PRKCG: variants seen among roughly 807,000 people sequenced by gnomAD.
PRKCG encodes protein kinase C gamma type.
PRKCG carries 28 observed loss-of-function variants against 82.0 expected under a neutral mutation model. The observed-to-expected ratio is 0.34, with a 90% confidence interval of 0.25 to 0.47. The LOEUF (loss-of-function observed/expected upper bound fraction) is 0.47, where lower values mean the gene tolerates loss of function less well. Among genes scored for constraint, PRKCG ranks in the 20% least tolerant of loss-of-function variants. The pLI, the probability that PRKCG is intolerant of heterozygous loss-of-function variation, is 1.00. For synonymous variants in PRKCG, 383 were observed against 376.6 expected (o/e 1.02, Z -0.20); for missense variants, 640 against 952.7 (o/e 0.67, Z 4.32).
At chr19:53,906,493 T>C (rs1468453394) in intron 17 of PRKCG, 36 bp downstream of exon 17, 1 of 1,568,954 alleles carries the variant, frequency 6.4e-7, no homozygotes, top group African/African-American at 1.4e-5. Context: ...ACCTGGTCCC[T>C]GAAGGGGTGG....
At chr19:53,895,886 C>T (rs1434920495) in intron 9 of PRKCG, among the ~76,000 whole-genome samples, 2 of 151,992 alleles carry the variant, frequency 1.3e-5, no homozygotes, top group South Asian at 2.1e-4. Context: ...GGTGAATCCC[C>T]GTCTCTACTA....
intron 8 of PRKCG, 73 bp from the exon 9 acceptor site, chr19:53,893,289 G>A: frequency 6.6e-7 from 1 of 1,522,654 alleles, no homozygotes; most frequent in Non-Finnish European, 9.1e-7. Flanking sequence ...GGGTACTAGG[G>A]GCCACCAGCC....
In PRKCG at chr19:53,882,570, A is replaced by G. The variant is rs386134157; in HGVS notation, c.76A>G (p.Arg26Gly). ...CCTGTTTTGCAGAAAGGGGGCCCTG[A>G]GGCAGAAGGTGGTCCACGAAGTCAA... ...RPLFCRKGAL[R>G]QKVVHEVKSH... Residue 26 changes from arginine to glycine, a missense_variant, in exon 1 of 18, where the codon AGG (arginine) becomes GGG (glycine). Arg to Gly is a moderately radical substitution (Grantham distance 125, BLOSUM62 -2). Around this residue, in one of 7 missense-constraint regions of PRKCG, gnomAD observed 50 missense variants for 146.5 expected, o/e 0.34. Coordinates refer to ENST00000263431, the MANE Select transcript of PRKCG (RefSeq NM_002739.5). This position sits in a 1 kb window ranked among gnomAD's most constrained non-coding sequence, Gnocchi z 6.1. The G allele has an allele frequency of 6.2e-7, 1 of 1,613,960 alleles. No homozygotes were observed. Among genetic ancestry groups the G allele is most frequent in the Non-Finnish European group, 8.5e-7 (1 of 1,179,908 alleles).
chr19:53,898,752 C>A, intron 11 of PRKCG, 124 bp downstream of exon 11: 1 of 322,914 alleles, frequency 3.1e-6, no homozygotes, highest in Non-Finnish European at 4.9e-6. Flanking sequence ...TGGGCGAGGC[C>A]AGGCGGATTG....
At chr19:53,906,124 T>TTCTC (rs59343768) in intron 16 of PRKCG, among the ~76,000 whole-genome samples, 193 bp from the exon 17 acceptor site, 8,552 of 68,030 alleles carry the variant, frequency 0.13, 1,734 homozygotes, top group African/African-American at 0.51. Flanking sequence ...TCTTCTTTTC[T>TTCTC]TCTCTCTCTC....
intron 10 of PRKCG, 140 bp downstream of exon 10, chr19:53,898,251 C>T (rs1346993583): frequency 1.4e-6 from 2 of 1,417,184 alleles, no homozygotes; most frequent in Admixed American, 3.9e-5. Flanking sequence ...GTTCAGGTTC[C>T]TGGAGAGGAG....
chr19:53,892,080 G>C lies in PRKCG; in HGVS notation c.686+250G>C, dbSNP rs552086837. Reference sequence around the variant, plus strand: ...CCCAACTTTAGAGTTAGACAGAGATGAGAGAGAGAAGAGAGAGTCTCAGAA... The same window carrying C: ...CCCAACTTTAGAGTTAGACAGAGATCAGAGAGAGAAGAGAGAGTCTCAGAA... On this transcript the variant is annotated intron_variant, in intron 6 of 17. Coordinates refer to ENST00000263431, the MANE Select transcript of PRKCG (RefSeq NM_002739.5). This position sits in a 1 kb window ranked among gnomAD's most constrained non-coding sequence, Gnocchi z 5.9. Among the ~76,000 whole-genome samples, 2 of 152,102 alleles carry C rather than the reference G, an allele frequency of 1.3e-5. No homozygotes were observed. The highest frequency in any genetic ancestry group is 4.8e-5 in the African/African-American group (2 of 41,428).
At position 53,893,542 on chromosome 19, in the gene PRKCG, T is replaced by C. The variant is rs1315983787; in HGVS notation, c.939+151T>C. 8.2e-6 allele frequency: 7 copies of C among 856,820 alleles called. No individual in the cohort carries two copies. In the East Asian group the frequency reaches 1.3e-4, roughly 16 times the overall value. The allele number at this position is 856,820 out of a possible 1,614,324, so 53.1% of individuals were successfully genotyped here. The stretch of plus-strand genomic sequence containing the variant: ...CTTGTGCTTGCTGAATAATCCAGGA[T>C]CCAGAGATGAATCTGACCCTCAAGC... On this transcript the variant is annotated intron_variant, in intron 9 of 17. Coordinates refer to ENST00000263431, the MANE Select transcript of PRKCG (RefSeq NM_002739.5).
intron 9 of PRKCG, among the ~76,000 whole-genome samples, chr19:53,894,173 C>A (rs1006583974): frequency 2.0e-5 from 3 of 152,202 alleles, no homozygotes; most frequent in Non-Finnish European, 4.4e-5. Context: ...TCACGCCATT[C>A]TCCTGCATCA....
chr19:53,892,093 G>C lies in PRKCG; in HGVS notation c.686+263G>C, dbSNP rs2068680901. 1.3e-5 allele frequency among the ~76,000 whole-genome samples: 2 copies of C among 152,122 alleles called. No homozygotes were observed. The highest frequency in any genetic ancestry group is 1.3e-4 in the Admixed American group (2 of 15,266). ...TTAGACAGAGATGAGAGAGAGAAGA[G>C]AGAGTCTCAGAAGAGGCAGAAACCC... On this transcript the variant is annotated intron_variant, in intron 6 of 17. Transcript: ENST00000263431. This position sits in a 1 kb window ranked among gnomAD's most constrained non-coding sequence, Gnocchi z 5.9.
At chr19:53,906,115 CT>C (rs2068807733) in intron 16 of PRKCG, among the ~76,000 whole-genome samples, 1 of 86,284 alleles carries the variant, frequency 1.2e-5, no homozygotes, top group African/African-American at 1.1e-4. Context: ...TCTTCTTCTT[CT>C]TCTTTTCTTC....
At chr19:53,894,158 T>C (rs987099463) in intron 9 of PRKCG, among the ~76,000 whole-genome samples, 67 of 151,860 alleles carry the variant, frequency 4.4e-4, no homozygotes, top group Admixed American at 8.5e-4. Context: ...CTCCGCCTCC[T>C]GGGTTCACGC....
rs1432406360 is a variant in PRKCG at position 53,882,461 on chromosome 19, G to T, written c.-34G>T. 1.3e-6 allele frequency: 2 copies of T among 1,598,312 alleles called. No homozygotes were observed. The highest frequency in any genetic ancestry group is 3.5e-5 in the Admixed American group (2 of 56,506). On this transcript the variant is annotated 5_prime_UTR_variant, in exon 1 of 18. Transcript: ENST00000263431. The surrounding 1 kb of genome is among the most constrained non-coding windows in gnomAD (Gnocchi z 6.1). ...CTTCCACCTGTTTCCCCCAAGAAAG[G>T]CAGGATCCTGGTCCCTGCTACGTTT...
intron 3 of PRKCG, among the ~76,000 whole-genome samples, chr19:53,886,501 T>G: frequency 6.6e-6 from 1 of 152,090 alleles, no homozygotes; most frequent in East Asian, 1.9e-4. Context: ...TTCTCCAGGC[T>G]CAAGTGCTCC....
rs1231756180 is a variant in PRKCG, at chr19:53,906,744, C to G, written c.1943C>G (p.Thr648Arg). The G allele has an allele frequency of 1.9e-6, 3 of 1,613,228 alleles. No individual in the cohort carries two copies. The highest frequency in any genetic ancestry group is 8.5e-7 in the Non-Finnish European group (1 of 1,180,018). The change falls in exon 18 of 18, where the codon ACG (threonine) becomes AGG (arginine). Residue 648 changes from threonine to arginine, a missense_variant. Coordinates refer to ENST00000263431, the MANE Select transcript of PRKCG (RefSeq NM_002739.5). ...RSGENFDKFF[T>R]RAAPALTPPD... Reference sequence around the variant, plus strand: ...GGCGAGAACTTTGACAAGTTCTTCACGCGGGCGGCGCCAGCGCTGACCCCT... The same window carrying G: ...GGCGAGAACTTTGACAAGTTCTTCAGGCGGGCGGCGCCAGCGCTGACCCCT...
rs905885526 is a variant in PRKCG at position 53,900,197 on chromosome 19, T to C, written c.1282-36T>C. The C allele has an allele frequency of 3.0e-5, 47 of 1,582,892 alleles. No individual in the cohort carries two copies. Among genetic ancestry groups the C allele is most frequent in the Non-Finnish European group, 4.0e-5 (46 of 1,151,766 alleles). On this transcript the variant is annotated intron_variant, in intron 11 of 17. Coordinates refer to ENST00000263431, the MANE Select transcript of PRKCG (RefSeq NM_002739.5). The surrounding 1 kb of genome is among the most constrained non-coding windows in gnomAD (Gnocchi z 4.2). Reference sequence around the variant, plus strand: ...AAGAAATTCTCCTACTCTGGGTAGATGGATCCCGCCTCTAAGCCCATGCAC... The same window carrying C: ...AAGAAATTCTCCTACTCTGGGTAGACGGATCCCGCCTCTAAGCCCATGCAC...
In PRKCG at chr19:53,892,432, C is replaced by T; in HGVS notation, c.687-77C>T. ...CCCCAGCTGGCTGGGTTTGCCCCCACCTCCAGCACCAAGGATGGGGAACCG... is the reference window on the plus strand; with the variant it reads ...CCCCAGCTGGCTGGGTTTGCCCCCATCTCCAGCACCAAGGATGGGGAACCG... On this transcript the variant is annotated intron_variant, in intron 6 of 17. Coordinates refer to ENST00000263431, the MANE Select transcript of PRKCG (RefSeq NM_002739.5). This position sits in a 1 kb window ranked among gnomAD's most constrained non-coding sequence, Gnocchi z 5.9. 1 of 1,560,638 alleles carries T rather than the reference C, an allele frequency of 6.4e-7. No individual in the cohort carries two copies. The highest frequency in any genetic ancestry group is 1.9e-5 in the Admixed American group (1 of 53,946).
At chr19:53,895,180 G>A (rs1391713965) in intron 9 of PRKCG, among the ~76,000 whole-genome samples, 2 of 152,114 alleles carry the variant, frequency 1.3e-5, no homozygotes, top group African/African-American at 2.4e-5. Context: ...GATTTACACC[G>A]GGAGGAAGAC....
chr19:53,894,675 G>T (rs2068705229), intron 9 of PRKCG, among the ~76,000 whole-genome samples: 1 of 151,578 alleles, frequency 6.6e-6, no homozygotes. Context: ...GGCCAGGCTG[G>T]TCTCGAACTC....
Sources: gnomAD v4.1 joint callset for allele counts (sites outside exome capture counted in the v4.1 genomes callset) on GRCh38, gnomAD v4.1.1 for gene constraint, gnomAD v4.1.1 regional missense constraint, Gnocchi (gnomAD v3.1) non-coding constraint, MANE v1.5 for transcripts, NCBI Gene and HGNC (gene_info 2026-07-23, HGNC 2026-07-21) for gene names.